TJP2: variants seen among roughly 807,000 people sequenced by gnomAD.
TJP2 encodes tight junction protein 2.
In TJP2, 91 loss-of-function variants were observed where a neutral mutation model predicts 133.1. The observed-to-expected ratio is 0.68, with a 90% CI of 0.58 to 0.81. TJP2 has a LOEUF of 0.81. Among genes scored for constraint, TJP2 ranks in the 40% least tolerant of loss-of-function variants. The pLI is 0.00. For synonymous variants in TJP2, 592 were observed against 583.4 expected, an observed-to-expected ratio of 1.01 and a Z score of -0.21; for missense variants, 1,541 against 1,565.6, an observed-to-expected ratio of 0.98 and a Z score of 0.26.
chr9:69,236,389 C>G, intron 13 of TJP2, 151 bp downstream of exon 13: 1 of 784,922 alleles, frequency 1.3e-6, no homozygotes, highest in South Asian at 1.7e-5. Context: ...GTGGCCTGAA[C>G]TGTAAATAGC....
At chr9:69,136,517 C>T (rs938819264) in intron 1 of TJP2, among the ~76,000 whole-genome samples, 1 of 151,836 alleles carries the variant, frequency 6.6e-6, no homozygotes, top group Admixed American at 6.6e-5. Context: ...AAATATAGAA[C>T]CATTTATGTA....
chr9:69,220,725 C>G (rs1828755197), intron 4 of TJP2, among the ~76,000 whole-genome samples, 162 bp from the exon 5 acceptor site: 1 of 152,238 alleles, frequency 6.6e-6, no homozygotes, highest in Admixed American at 6.5e-5. Flanking sequence ...TATTCTAACC[C>G]TGTGAGATTT....
intron 11 of TJP2, 71 bp from the exon 12 acceptor site, chr9:69,234,368 T>TTTTTTCTTTCTTTC: frequency 7.5e-7 from 1 of 1,329,350 alleles, no homozygotes; most frequent in South Asian, 1.3e-5. Context: ...AACTTCTCTG[T>TTTTTTCTTTCTTTC]TTTTTCTTTC....
chr9:69,224,875 A>T (rs1829216582), intron 5 of TJP2, among the ~76,000 whole-genome samples: 1 of 151,994 alleles, frequency 6.6e-6, no homozygotes, highest in South Asian at 2.1e-4. Flanking sequence ...CAGGCAACTC[A>T]CCATTACCCA....
At chr9:69,184,569 G>C (rs1325356622) in intron 1 of TJP2, among the ~76,000 whole-genome samples, 1 of 152,194 alleles carries the variant, frequency 6.6e-6, no homozygotes, top group Non-Finnish European at 1.5e-5. Context: ...AACCCTGTTG[G>C]CAAGAGAGAT....
intron 17 of TJP2, among the ~76,000 whole-genome samples, chr9:69,244,930 A>G (rs1830821455): frequency 1.3e-5 from 2 of 152,222 alleles, no homozygotes; most frequent in South Asian, 2.1e-4. Context: ...GGTTTTCTTT[A>G]TGATGAATGC....
At chr9:69,245,115 A>C (rs181427057) in intron 17 of TJP2, among the ~76,000 whole-genome samples, 2 of 152,346 alleles carry the variant, frequency 1.3e-5, no homozygotes, top group Admixed American at 6.5e-5. Context: ...AGAGTACCAT[A>C]ATAGGAATAG....
chr9:69,168,497 T>G (rs1448091434), intron 2 of TJP2, among the ~76,000 whole-genome samples: 2 of 152,068 alleles, frequency 1.3e-5, no homozygotes, highest in Non-Finnish European at 2.9e-5. Context: ...TAACAAACTT[T>G]GAAAGTGATC....
chr9:69,148,601 C>A (rs1349588884), intron 1 of TJP2, among the ~76,000 whole-genome samples: 1 of 151,864 alleles, frequency 6.6e-6, no homozygotes, highest in Non-Finnish European at 1.5e-5. Context: ...AACTCCTGAC[C>A]CCAAGTGATC....
In TJP2 at chr9:69,174,353, A is replaced by T; in HGVS notation, c.-20A>T. 6.4e-7 allele frequency: 1 copy of T among 1,551,290 alleles called. No individual in the cohort carries two copies. Among genetic ancestry groups the T allele is most frequent in the South Asian group, 1.2e-5 (1 of 84,062 alleles). The stretch of plus-strand genomic sequence containing the variant: ...AAGCGGGGTCCGGAGCTGCGCGCCT[A>T]CGCGGGACCTGTGTCCGAAATGCCG... On this transcript the variant is annotated 5_prime_UTR_variant, in exon 1 of 23. Coordinates refer to ENST00000377245, the MANE Select transcript of TJP2 (RefSeq NM_004817.4).
At position 69,146,684 on chromosome 9, in the gene TJP2, G is replaced by T. The variant is rs556884721; in HGVS notation, c.-130-4967G>T. Among the ~76,000 whole-genome samples, 7 of 151,578 alleles carry T rather than the reference G, an allele frequency of 4.6e-5. No individual in the cohort carries two copies. The South Asian group carries it at 1.3e-3, about 27-fold the overall frequency. On this transcript the variant is annotated intron_variant, in intron 1 of 5. Transcript: ENST00000423935. ...GTCAGTGGTTGTCAACGGGGAGGTG[G>T]AAATAGGGAATTTTGCTCCCCAGGG...
At chr9:69,144,023 G>A (rs1461352876) in intron 1 of TJP2, among the ~76,000 whole-genome samples, 1 of 151,720 alleles carries the variant, frequency 6.6e-6, no homozygotes, top group Non-Finnish European at 1.5e-5. Context: ...ATTTTTTTGA[G>A]ACAGAGTCTC....
At position 69,254,462 on chromosome 9, in the gene TJP2, T is replaced by C. The variant is rs1236356031; in HGVS notation, c.*88T>C. ...GCCGCCGGGATGGTTCTTCTCCAGTTAGAATGCACCATGGAGACGTGGTGG... is the reference window on the plus strand; with the variant it reads ...GCCGCCGGGATGGTTCTTCTCCAGTCAGAATGCACCATGGAGACGTGGTGG... On this transcript the variant is annotated 3_prime_UTR_variant, in exon 23 of 23. Coordinates refer to ENST00000377245, the MANE Select transcript of TJP2 (RefSeq NM_004817.4). 1.9e-6 allele frequency: 3 copies of C among 1,548,198 alleles called. No individual in the cohort carries two copies. Among genetic ancestry groups the C allele is most frequent in the Non-Finnish European group, 2.7e-6 (3 of 1,128,600 alleles).
chr9:69,247,249 A>G (rs1214015744), intron 18 of TJP2, among the ~76,000 whole-genome samples: 1 of 152,228 alleles, frequency 6.6e-6, no homozygotes, highest in Non-Finnish European at 1.5e-5. Context: ...GGGAGTTTGA[A>G]TGGGTGATAT....
intron 11 of TJP2, among the ~76,000 whole-genome samples, chr9:69,231,459 G>GTT (rs60053979): frequency 1.1e-4 from 17 of 150,476 alleles, no homozygotes; most frequent in Middle Eastern, 3.4e-3. Context: ...TATATATGAG[G>GTT]TTTTTTTTTT....
intron 17 of TJP2, among the ~76,000 whole-genome samples, chr9:69,240,555 A>G (rs1048820143): frequency 6.6e-6 from 1 of 152,222 alleles, no homozygotes; most frequent in East Asian, 1.9e-4. Flanking sequence ...ATTCCTGTCC[A>G]GCATGGTGGA....
At chr9:69,216,545 T>C (rs1157990479) in intron 3 of TJP2, 82 bp downstream of exon 3, 2 of 1,478,394 alleles carry the variant, frequency 1.4e-6, no homozygotes, top group African/African-American at 1.4e-5. Flanking sequence ...GTGTCCACTT[T>C]ATTTAAAAAA....
intron 2 of TJP2, among the ~76,000 whole-genome samples, chr9:69,158,981 CG>C (rs1405328528): frequency 6.7e-6 from 1 of 148,242 alleles, no homozygotes; most frequent in Non-Finnish European, 1.5e-5. Context: ...CAGGATTCAC[CG>C]CCCCCCCCCC....
chr9:69,253,960 CA>C (rs1831523486), intron 22 of TJP2: 34 of 541,412 alleles, frequency 6.3e-5, no homozygotes, highest in South Asian at 6.1e-4. Context: ...ACCCCCTGTC[CA>C]ACAGGGAGAT....
Sources: allele counts gnomAD v4.1 joint callset (sites outside exome capture counted in the v4.1 genomes callset), GRCh38; gene constraint gnomAD v4.1.1; transcripts MANE v1.5; gene names NCBI Gene and HGNC (gene_info 2026-07-23, HGNC 2026-07-21).